Variants in ZNF487 observed in about 807,000 individuals in gnomAD.
The protein encoded by ZNF487 is zinc finger protein 487.
In ZNF487, 4 loss-of-function variants were observed where a neutral mutation model predicts 3.0. The observed-to-expected ratio is 1.35, with a 90% confidence interval of 0.66 to 3.08. ZNF487 has a LOEUF of 3.08. ZNF487 is among the 30% of genes most tolerant of loss of function. ZNF487 has a pLI of 0.01. For synonymous variants in ZNF487, 55 were observed against 34.6 expected, an observed-to-expected ratio of 1.59 and a Z score of -2.06; for missense variants, 146 against 98.7, an observed-to-expected ratio of 1.48 and a Z score of -2.03.
chr10:43,476,065 G>A (rs769196471), intron 2 of ZNF487, 42 bp from the exon 3 acceptor site: 25 of 713,266 alleles, frequency 3.5e-5, no homozygotes, highest in Non-Finnish European at 5.5e-5. Flanking sequence ...TTTGTCCTCC[G>A]CAGGCTATCT....
In ZNF487 at chr10:43,481,796, C is replaced by A. The variant is rs1448806870; in HGVS notation, c.498C>A (p.Asp166Glu). ...GNGKAVSQNEDLFRHQYIQTL... is the reference protein window; with the variant it reads ...GNGKAVSQNEELFRHQYIQTL... ...GGAAAGCCGTCTCTCAGAATGAGGACTTATTTAGGCATCAGTATATTCAAA... is the reference window on the plus strand; with the variant it reads ...GGAAAGCCGTCTCTCAGAATGAGGAATTATTTAGGCATCAGTATATTCAAA... The change falls in exon 4 of 4, where the codon GAC (aspartate) becomes GAA (glutamate). Residue 166 changes from aspartate (D) to glutamate (E), a missense_variant. Transcript: ENST00000437590. 2.8e-6 allele frequency: 2 copies of A among 708,430 alleles called. No homozygotes were observed. The highest frequency in any genetic ancestry group is 3.0e-5 in the South Asian group (2 of 67,600). 43.9% of individuals were successfully genotyped at this position (708,430 alleles called of 1,614,324 possible). A position where few individuals can be genotyped will look rare whatever the true frequency, so the allele number is the denominator to read the frequency against.
At chr10:43,510,080 TTA>T in the ZNF487 span, among the ~76,000 whole-genome samples, 1 of 152,224 alleles carries the variant, frequency 6.6e-6, no homozygotes, top group African/African-American at 2.4e-5. Flanking sequence ...TCAATAAATC[TTA>T]TGTCACATGA....
chr10:43,480,386 G>A (rs1480599634), intron 3 of ZNF487, among the ~76,000 whole-genome samples: 4 of 151,392 alleles, frequency 2.6e-5, no homozygotes, highest in East Asian at 1.9e-4. Context: ...GATTACAAGC[G>A]TGAGCCACCG....
intron 1 of ZNF487, among the ~76,000 whole-genome samples, chr10:43,440,512 G>A (rs1440873701): frequency 6.6e-6 from 1 of 151,998 alleles, no homozygotes; most frequent in Non-Finnish European, 1.5e-5. Flanking sequence ...ACAAAAATTA[G>A]CCCGGCATGG....
At chr10:43,468,988 C>CAAAAAAAAAAA (rs59076073) in intron 1 of ZNF487, among the ~76,000 whole-genome samples, 15 of 60,924 alleles carry the variant, frequency 2.5e-4, no homozygotes, top group Middle Eastern at 0.017. Flanking sequence ...GACTCTATCT[C>CAAAAAAAAAAA]AAAAAAAAAA....
the ZNF487 span, among the ~76,000 whole-genome samples, chr10:43,516,022 C>T: frequency 2.4e-4 from 36 of 152,180 alleles, no homozygotes; most frequent in African/African-American, 7.7e-4. Flanking sequence ...CCTCGTGATC[C>T]GCCCGCCTTG....
intron 1 of ZNF487, among the ~76,000 whole-genome samples, chr10:43,458,431 CAAAGGAGGCA>C (rs1840300412): frequency 6.6e-6 from 1 of 152,144 alleles, no homozygotes; most frequent in Non-Finnish European, 1.5e-5. Context: ...TTAGCCTCTT[CAAAGGAGGCA>C]ATCAGCTTTG....
the ZNF487 span, among the ~76,000 whole-genome samples, chr10:43,493,710 AT>A: frequency 0.19 from 4,562 of 24,354 alleles, 142 homozygotes; most frequent in Non-Finnish European, 0.26. Flanking sequence ...AAAAAAAAAA[AT>A]ATATATATAT....
chr10:43,504,389 G>C, the ZNF487 span, among the ~76,000 whole-genome samples: 3 of 147,246 alleles, frequency 2.0e-5, no homozygotes, highest in African/African-American at 7.4e-5. Flanking sequence ...CGCCTCCCAG[G>C]TTCAAGCGAT....
At chr10:43,450,856 G>A (rs913293912) in intron 1 of ZNF487, among the ~76,000 whole-genome samples, 5 of 152,142 alleles carry the variant, frequency 3.3e-5, no homozygotes, top group East Asian at 3.8e-4. Flanking sequence ...CGTCTCTAAA[G>A]GTGATAACAC....
At chr10:43,492,917 T>A in the ZNF487 span, among the ~76,000 whole-genome samples, 2 of 152,282 alleles carry the variant, frequency 1.3e-5, no homozygotes, top group African/African-American at 4.8e-5. Flanking sequence ...TTTTAGTCCT[T>A]ATGTTGTACA....
chr10:43,467,757 C>T (rs1459222550), intron 1 of ZNF487, among the ~76,000 whole-genome samples: 1 of 149,556 alleles, frequency 6.7e-6, no homozygotes, highest in African/African-American at 2.5e-5. Context: ...GCAGAGGTTG[C>T]AGTGAGCCGA....
intron 1 of ZNF487, among the ~76,000 whole-genome samples, chr10:43,466,153 G>C (rs899562999): frequency 4.2e-4 from 17 of 40,392 alleles, no homozygotes; most frequent in African/African-American, 1.6e-3. Context: ...GTCCAGCTTC[G>C]GCTCGGCATC....
chr10:43,446,344 C>T (rs1676405302), intron 1 of ZNF487, among the ~76,000 whole-genome samples: 1 of 151,132 alleles, frequency 6.6e-6, no homozygotes, highest in Admixed American at 6.6e-5. Context: ...GGCGGAGACT[C>T]TCCTCACTTC....
intron 1 of ZNF487, chr10:43,452,005 T>G (rs1262568347): frequency 6.6e-6 from 1 of 152,282 alleles, no homozygotes; most frequent in East Asian, 1.9e-4. Flanking sequence ...ACCTGCATGA[T>G]GAGAACAAGG....
chr10:43,487,927 T>TAAAAAAAAAA (rs1841483932), downstream of ZNF487, among the ~76,000 whole-genome samples: 1 of 8,776 alleles, frequency 1.1e-4, no homozygotes, highest in African/African-American at 5.7e-4. Context: ...TCTACCAAAA[T>TAAAAAAAAAA]ACAAAAAAAA....
chr10:43,455,015 T>TC (rs980482424), intron 1 of ZNF487, among the ~76,000 whole-genome samples: 2 of 150,348 alleles, frequency 1.3e-5, no homozygotes, highest in Non-Finnish European at 3.0e-5. Context: ...TTTGCACTTT[T>TC]TTTTTTTTTT....
At chr10:43,444,706 C>T (rs955215728) in intron 1 of ZNF487, among the ~76,000 whole-genome samples, 4 of 152,196 alleles carry the variant, frequency 2.6e-5, no homozygotes, top group Admixed American at 1.3e-4. Context: ...GTGGCTGGGA[C>T]CACAGGCGCA....
the ZNF487 span, among the ~76,000 whole-genome samples, chr10:43,518,724 T>A: frequency 2.0e-5 from 3 of 152,210 alleles, no homozygotes; most frequent in African/African-American, 7.2e-5. Flanking sequence ...AGGGCTCTTC[T>A]ATGCATCTTC....
Sources: gnomAD v4.1 joint callset for allele counts (sites outside exome capture counted in the v4.1 genomes callset) on GRCh38, gnomAD v4.1.1 for gene constraint, MANE v1.5 for transcripts, NCBI Gene and HGNC (gene_info 2026-07-23, HGNC 2026-07-21) for gene names.